The following GJB6 variants were observed in gnomAD, a reference collection of about 807,000 sequenced individuals.
The protein encoded by GJB6 is gap junction beta-6 protein.
Under a neutral mutation model 5.4 loss-of-function variants are expected in GJB6, and 5 were observed. That is an observed-to-expected ratio of 0.92 (90% confidence interval 0.48 to 1.93). The LOEUF (loss-of-function observed/expected upper bound fraction) is 1.93. Ranked by LOEUF, GJB6 falls within the 30% of genes most tolerant of loss-of-function variation. GJB6 has a pLI of 0.01. For synonymous variants in GJB6, 136 were observed against 129.6 expected (o/e 1.05, Z -0.34); for missense variants, 298 against 326.9 (o/e 0.91, Z 0.68).
intron 4 of GJB6, 106 bp from the exon 5 acceptor site, chr13:20,223,601 A>G (rs1248267704): frequency 1.1e-6 from 1 of 882,190 alleles, no homozygotes; most frequent in East Asian, 2.5e-5. Flanking sequence ...GTAGGCTGTG[A>G]TACTTTACAA....
At chr13:20,229,890 C>CTGT (rs1869966840) in intron 3 of GJB6, 141 bp from the exon 4 acceptor site, 1 of 140,980 alleles carries the variant, frequency 7.1e-6, no homozygotes, top group Non-Finnish European at 1.5e-5. Flanking sequence ...TCAGAAATTG[C>CTGT]CAGCTTCCTG....
At position 20,222,943 on chromosome 13, in the gene GJB6, A is replaced by G; in HGVS notation, c.538T>C (p.Cys180Arg). The change falls in exon 5 of 5, where the codon TGC becomes CGC. Residue 180 changes from cysteine to arginine, a missense_variant. Coordinates refer to ENST00000647029, the MANE Select transcript of GJB6 (RefSeq NM_001110219.3). ...TTCTCTGTTGGCCTAGAAATAAAGC[A>G]GTCAACAAGGTTGGGGCAGGGGTCA... ...GIDPCPNLVD[C>R]FISRPTEKTV... is the part of the protein sequence containing the mutation. 1 of 1,614,186 alleles carries G rather than the reference A, an allele frequency of 6.2e-7. No individual in the cohort carries two copies. The highest frequency in any genetic ancestry group is 8.5e-7 in the Non-Finnish European group (1 of 1,180,014).
chr13:20,223,215 A>C lies in GJB6; in HGVS notation c.266T>G (p.Leu89Arg). Residue 89 changes from leucine (L) to arginine (R), a missense_variant, in exon 5 of 5, where the codon CTG becomes CGG. Coordinates refer to ENST00000647029, the MANE Select transcript of GJB6 (RefSeq NM_001110219.3). ...GTAGGCCACATGCATGGCCACCAGCAGCGCTGGGGTGGAGACGAAGATCAG... is the reference window on the plus strand; with the variant it reads ...GTAGGCCACATGCATGGCCACCAGCCGCGCTGGGGTGGAGACGAAGATCAG... Reference protein sequence around the residue: ...LQLIFVSTPALLVAMHVAYYR... With the variant: ...LQLIFVSTPARLVAMHVAYYR... 1 of 1,610,146 alleles carries C rather than the reference A, an allele frequency of 6.2e-7. No homozygotes were observed. The highest frequency in any genetic ancestry group is 8.5e-7 in the Non-Finnish European group (1 of 1,176,956).
At chr13:20,224,341 ACAT>A (rs892170400) in intron 4 of GJB6, among the ~76,000 whole-genome samples, 29 of 152,366 alleles carry the variant, frequency 1.9e-4, no homozygotes, top group African/African-American at 7.0e-4. Context: ...AGCTTGAATA[ACAT>A]CATCTGCCAT....
chr13:20,223,032 A>G lies in GJB6; in HGVS notation c.449T>C (p.Phe150Ser). 6.2e-7 allele frequency: 1 copy of G among 1,614,090 alleles called. No homozygotes were observed. The highest frequency in any genetic ancestry group is 8.5e-7 in the Non-Finnish European group (1 of 1,179,980). ...GTAAAGGAAGTAAAACACATACATA[A>G]AGGCTGCTTCAAAGATGATTCGGAA... is the stretch of plus-strand genomic sequence containing the variant. The part of the protein sequence containing the change: ...IFFRIIFEAA[F>S]MYVFYFLYNG... Residue 150 changes from phenylalanine to serine, a missense_variant, in exon 5 of 5, where the codon TTT becomes TCT. Phe to Ser is a radical substitution (Grantham distance 155, BLOSUM62 -2). Transcript: ENST00000647029.
chr13:20,222,612 C>G lies in GJB6; in HGVS notation c.*83G>C, dbSNP rs1593362390. 1 of 1,148,262 alleles carries G rather than the reference C, an allele frequency of 8.7e-7. No individual in the cohort carries two copies. The highest frequency in any genetic ancestry group is 2.3e-5 in the East Asian group (1 of 42,734). 71.1% of individuals were successfully genotyped at this position (1,148,262 alleles called of 1,614,324 possible). ...AGTCATTTACAAACTCTTCAGGCTA[C>G]AGAAGGAACTTTCAGGTTGGTATTG... is the stretch of plus-strand genomic sequence containing the variant. On this transcript the variant is annotated 3_prime_UTR_variant, in exon 5 of 5. Transcript: ENST00000647029.
chr13:20,223,090 A>G lies in GJB6; in HGVS notation c.391T>C (p.Ser131Pro). The change falls in exon 5 of 5, where the codon TCG (serine) becomes CCG (proline). Residue 131 changes from serine (S) to proline (P), a missense_variant. Physicochemically the swap from Ser to Pro is moderately conservative, Grantham distance 74. Transcript: ENST00000647029. ...CTGCTGGTGTACGTCCACCACAGCG[A>G]CCCCTCTATCCGAACCTTCTGCTTT... ...IKKQKVRIEG[S>P]LWWTYTSSIF... is the part of the protein sequence containing the mutation. 6.2e-7 allele frequency: 1 copy of G among 1,613,706 alleles called. No homozygotes were observed. Among genetic ancestry groups the G allele is most frequent in the Non-Finnish European group, 8.5e-7 (1 of 1,179,756 alleles).
intron 3 of GJB6, chr13:20,230,017 C>T (rs538121904): frequency 2.6e-5 from 4 of 151,878 alleles, no homozygotes; most frequent in African/African-American, 4.8e-5. Flanking sequence ...TTGAGCAAAA[C>T]AAAAAGGGAC....
intron 4 of GJB6, chr13:20,225,209 A>G (rs1410218289): frequency 2.6e-5 from 4 of 152,182 alleles, no homozygotes; most frequent in East Asian, 1.9e-4. Flanking sequence ...GCCCCTAGCA[A>G]CCACCATTCT....
intron 4 of GJB6, among the ~76,000 whole-genome samples, chr13:20,226,919 G>A (rs1050163184): frequency 6.6e-6 from 1 of 152,102 alleles, no homozygotes; most frequent in Non-Finnish European, 1.5e-5. Flanking sequence ...TCTCTAGCCC[G>A]TGGCCTGCCT....
Position 20,222,590 on chromosome 13 carries a change from C to T in GJB6, c.*105G>A. 1.1e-6 allele frequency: 1 copy of T among 906,276 alleles called. No homozygotes were observed. Among genetic ancestry groups the T allele is most frequent in the East Asian group, 2.4e-5 (1 of 41,654 alleles). The allele number at this position is 906,276 out of a possible 1,614,324, so 56.1% of individuals were successfully genotyped here. A position where few individuals can be genotyped will look rare whatever the true frequency, so the allele number is the denominator to read the frequency against. ...TCAAGTGTCTATTTATTATGAAAGT[C>T]ATTTACAAACTCTTCAGGCTACAGA... On this transcript the variant is annotated 3_prime_UTR_variant, in exon 5 of 5. Coordinates refer to ENST00000647029, the MANE Select transcript of GJB6 (RefSeq NM_001110219.3).
At chr13:20,223,704 G>T (rs1377306364) in intron 4 of GJB6, among the ~76,000 whole-genome samples, 96 of 152,220 alleles carry the variant, frequency 6.3e-4, no homozygotes, top group Non-Finnish European at 1.2e-4. Flanking sequence ...GGTGGCTCAC[G>T]CCTGGAAACC....
In GJB6 at chr13:20,222,103, T is replaced by A. The variant is rs1869210829; in HGVS notation, c.*592A>T. Reference sequence around the variant, plus strand: ...GTCTACATTCAGAAAGCAGTAAAAATATATTGTGCAATGAACACTTTCCAC... The same window carrying A: ...GTCTACATTCAGAAAGCAGTAAAAAAATATTGTGCAATGAACACTTTCCAC... On this transcript the variant is annotated 3_prime_UTR_variant, in exon 5 of 5. Coordinates refer to ENST00000647029, the MANE Select transcript of GJB6 (RefSeq NM_001110219.3). 6.5e-6 allele frequency: 1 copy of A among 153,498 alleles called. No homozygotes were observed. Among genetic ancestry groups the A allele is most frequent in the African/African-American group, 2.4e-5 (1 of 41,464 alleles). 9.5% of individuals were successfully genotyped at this position (153,498 alleles called of 1,614,324 possible). A position where few individuals can be genotyped will look rare whatever the true frequency, so the allele number is the denominator to read the frequency against.
Position 20,223,151 on chromosome 13 carries a change from C to T in GJB6, c.330G>A (p.Glu110=). Residue 110 remains glutamate, a synonymous_variant, in exon 5 of 5, where the codon GAG becomes GAA. Transcript: ENST00000647029. ...CTATGTCTTTGAAATCATTCCTCTT[C>T]TCTCCTCGCCTGAACTTGCGAGTGG... is the stretch of plus-strand genomic sequence containing the variant. ...HETTRKFRRG[E]KRNDFKDIED... 1 of 1,613,998 alleles carries T rather than the reference C, an allele frequency of 6.2e-7. No homozygotes were observed. The highest frequency in any genetic ancestry group is 8.5e-7 in the Non-Finnish European group (1 of 1,179,854).
chr13:20,228,621 A>G (rs1869790570), intron 4 of GJB6, among the ~76,000 whole-genome samples: 1 of 150,314 alleles, frequency 6.7e-6, no homozygotes, highest in Non-Finnish European at 1.5e-5. Flanking sequence ...AGCAGCTGGG[A>G]CTACAGGCGC....
chr13:20,224,878 G>A (rs910778998), intron 4 of GJB6, among the ~76,000 whole-genome samples: 1 of 152,026 alleles, frequency 6.6e-6, no homozygotes, highest in African/African-American at 2.4e-5. Flanking sequence ...AGTGGGTGAG[G>A]GACACCTGTC....
At chr13:20,227,405 C>T (rs779573105) in intron 4 of GJB6, among the ~76,000 whole-genome samples, 8 of 152,134 alleles carry the variant, frequency 5.3e-5, no homozygotes, top group South Asian at 2.1e-4. Flanking sequence ...TCTAACTCCC[C>T]GGTCACTCAG....
At chr13:20,230,238 T>C (rs1353989219) in intron 3 of GJB6, among the ~76,000 whole-genome samples, 1 of 152,154 alleles carries the variant, frequency 6.6e-6, no homozygotes, top group African/African-American at 2.4e-5. Context: ...GTGATAACAA[T>C]GGGTCAGGGA....
At chr13:20,225,617 C>G (rs1869522841) in intron 4 of GJB6, 1 of 152,024 alleles carries the variant, frequency 6.6e-6, no homozygotes, top group South Asian at 2.1e-4. Context: ...TATTATTATT[C>G]AGAATGAAAA....
Sources: gnomAD v4.1 joint callset for allele counts (sites outside exome capture counted in the v4.1 genomes callset) on GRCh38, gnomAD v4.1.1 for gene constraint, MANE v1.5 for transcripts, NCBI Gene and HGNC (gene_info 2026-07-23, HGNC 2026-07-21) for gene names.